KCTD1: variants seen among roughly 807,000 people sequenced by gnomAD.
KCTD1 encodes BTB/POZ domain-containing protein KCTD1.
A neutral mutation model predicts 66.0 loss-of-function variants in KCTD1; 24 were observed. The ratio of observed to expected loss-of-function variants is 0.36; its 90% CI spans 0.26 to 0.51. The LOEUF is 0.51. Among genes scored for constraint, KCTD1 ranks in the 20% least tolerant of loss-of-function variants. The probability of loss-of-function intolerance (pLI) is 0.95; values close to 1 mark genes in which losing one functional copy is unlikely to be tolerated. For synonymous variants in KCTD1, 511 were observed against 517.2 expected (o/e 0.99, Z 0.16); for missense variants, 943 against 1,205.2 (o/e 0.78, Z 3.22).
At chr18:26,526,474 A>C (rs1272679148) in intron 1 of KCTD1, among the ~76,000 whole-genome samples, 1 of 152,210 alleles carries the variant, frequency 6.6e-6, no homozygotes, top group East Asian at 1.9e-4. Flanking sequence ...ATAGTCCTAC[A>C]TGTGTTTGAA....
At chr18:26,501,355 G>T in intron 1 of KCTD1, 105 bp from the exon 2 acceptor site, 2 of 1,015,640 alleles carry the variant, frequency 2.0e-6, no homozygotes, top group Non-Finnish European at 2.8e-6. Flanking sequence ...TACTCATTCA[G>T]TAATAAAACC....
At chr18:26,600,496 G>C (rs1008026577) in intron 1 of KCTD1, among the ~76,000 whole-genome samples, 12 of 151,982 alleles carry the variant, frequency 7.9e-5, no homozygotes, top group African/African-American at 2.9e-4. Flanking sequence ...TGGCTGGGGG[G>C]GGTGCAGTGG....
Position 26,474,683 on chromosome 18 carries a change from T to C in KCTD1, c.2133+1832A>G, listed in dbSNP as rs557882395. Among the ~76,000 whole-genome samples the C allele has an allele frequency of 1.2e-4, 19 of 152,346 alleles. 1 individual carries two copies. Among genetic ancestry groups the C allele is most frequent in the African/African-American group, 4.6e-4 (19 of 41,592 alleles). On this transcript the variant is annotated intron_variant, in intron 3 of 4. Transcript: ENST00000580059. The stretch of plus-strand genomic sequence containing the variant: ...TCATAGATTTTTAAGATAGATCTTT[T>C]ATGATGGGTATTCATCTTTTGTTGC...
At chr18:26,635,398 G>A (rs1245500371) in intron 1 of KCTD1, among the ~76,000 whole-genome samples, 1 of 152,256 alleles carries the variant, frequency 6.6e-6, no homozygotes, top group African/African-American at 2.4e-5. Context: ...TACTGGAGTT[G>A]CTCATGAATG....
At chr18:26,551,546 A>G (rs563349764), upstream of KCTD1, among the ~76,000 whole-genome samples, 1 of 152,324 alleles carries the variant, frequency 6.6e-6, no homozygotes, top group African/African-American at 2.4e-5. Context: ...AGGATACTTC[A>G]TTAAATACTG....
intron 1 of KCTD1, among the ~76,000 whole-genome samples, chr18:26,608,176 A>T (rs1202976109): frequency 1.3e-5 from 2 of 152,252 alleles, no homozygotes; most frequent in African/African-American, 2.4e-5. Context: ...TTTAAATTTT[A>T]AATTTTTAAT....
chr18:26,509,879 G>C (rs138525020), intron 1 of KCTD1, among the ~76,000 whole-genome samples: 2 of 152,166 alleles, frequency 1.3e-5, no homozygotes, highest in Non-Finnish European at 2.9e-5. Context: ...TTACCAAACC[G>C]ATCTAACCCC....
chr18:26,589,920 T>G (rs192005373), intron 1 of KCTD1, among the ~76,000 whole-genome samples: 1 of 152,218 alleles, frequency 6.6e-6, no homozygotes, highest in East Asian at 1.9e-4. Context: ...CATAACTACA[T>G]GTGATACCCA....
At chr18:26,640,064 G>A (rs1598980203) in intron 1 of KCTD1, among the ~76,000 whole-genome samples, 1 of 152,238 alleles carries the variant, frequency 6.6e-6, no homozygotes, top group African/African-American at 2.4e-5. Context: ...AAGCGTGGTG[G>A]CCACGGCAAT....
chr18:26,592,772 C>A (rs1286488076), intron 1 of KCTD1, among the ~76,000 whole-genome samples: 1 of 152,168 alleles, frequency 6.6e-6, no homozygotes, highest in Non-Finnish European at 1.5e-5. Flanking sequence ...TTTCTTATGT[C>A]CCTGGAAGCA....
chr18:26,523,567 C>T (rs930456108), intron 1 of KCTD1, among the ~76,000 whole-genome samples: 2 of 152,214 alleles, frequency 1.3e-5, no homozygotes, highest in African/African-American at 4.8e-5. Context: ...AGAAGGATCA[C>T]TTGAGCCCAG....
At chr18:26,538,612 A>G (rs1021773118) in intron 1 of KCTD1, among the ~76,000 whole-genome samples, 3 of 152,198 alleles carry the variant, frequency 2.0e-5, no homozygotes, top group African/African-American at 7.2e-5. Flanking sequence ...ACTTTATGAT[A>G]AAGATCTGCA....
intron 1 of KCTD1, among the ~76,000 whole-genome samples, chr18:26,648,206 A>G (rs943324768): frequency 6.6e-6 from 1 of 152,184 alleles, no homozygotes; most frequent in Non-Finnish European, 1.5e-5. Context: ...TTAGGAGGAG[A>G]AAGCAGCGCT....
At chr18:26,457,422 C>T (rs1368579722) in intron 4 of KCTD1, 1 of 152,132 alleles carries the variant, frequency 6.6e-6, no homozygotes, top group Non-Finnish European at 1.5e-5. Flanking sequence ...CAAACCAGCA[C>T]CCTGGAAAAG....
intron 1 of KCTD1, among the ~76,000 whole-genome samples, chr18:26,572,341 G>A (rs1161966283): frequency 6.6e-6 from 1 of 152,210 alleles, no homozygotes; most frequent in Non-Finnish European, 1.5e-5. Context: ...TCAGGTGTGA[G>A]TCACTGCTGG....
Position 26,573,546 on chromosome 18 carries a change from C to T in KCTD1, c.-16+55601G>A, listed in dbSNP as rs1054125773. 3.3e-5 allele frequency among the ~76,000 whole-genome samples: 5 copies of T among 152,120 alleles called. No individual in the cohort carries two copies. The South Asian group carries it at 6.2e-4, about 19-fold the overall frequency. ...GTTTGGGCACAACTATGCCGGAAGA[C>T]GTGATAAGGTGGTGAGAAGCTGGTT... On this transcript the variant is annotated intron_variant, in intron 1 of 4. Transcript: ENST00000317932.
Position 26,546,988 on chromosome 18 carries a change from G to A in KCTD1, c.1549C>T (p.Pro517Ser), listed in dbSNP as rs1339143849. The change falls in exon 1 of 5, where the codon CCC becomes TCC. Residue 517 changes from proline (P) to serine (S), a missense_variant. By Grantham distance (74) the Pro-to-Ser change is moderately conservative. This residue lies in a region of KCTD1 where 197 missense variants were observed against 182.7 expected (regional missense o/e 1.08). Transcript: ENST00000580059. ...PPSLGNTYIL[P>S]KDSQVGPDVK... ...TCGGGCCCGACCTGGCTGTCTTTGGGGAGGATGTAAGTGTTCCCCAGCGAG... is the reference window on the plus strand; with the variant it reads ...TCGGGCCCGACCTGGCTGTCTTTGGAGAGGATGTAAGTGTTCCCCAGCGAG... The A allele has an allele frequency of 6.7e-7, 1 of 1,482,048 alleles. No individual in the cohort carries two copies. The highest frequency in any genetic ancestry group is 9.0e-7 in the Non-Finnish European group (1 of 1,111,610). 91.8% of individuals were successfully genotyped at this position (1,482,048 alleles called of 1,614,324 possible).
intron 2 of KCTD1, among the ~76,000 whole-genome samples, chr18:26,487,702 CA>C (rs1339856189): frequency 6.6e-6 from 1 of 152,150 alleles, no homozygotes; most frequent in Non-Finnish European, 1.5e-5. Flanking sequence ...GTGTCTTGTG[CA>C]ATTGTCTACG....
chr18:26,502,178 T>C (rs1188703292), intron 1 of KCTD1, among the ~76,000 whole-genome samples: 1 of 152,190 alleles, frequency 6.6e-6, no homozygotes. Flanking sequence ...GCCTCCTGAG[T>C]AGCTGGGACT....
Sources: allele counts gnomAD v4.1 joint callset (sites outside exome capture counted in the v4.1 genomes callset), GRCh38; gene constraint gnomAD v4.1.1; regional missense constraint gnomAD v4.1.1; transcripts MANE v1.5; gene names NCBI Gene and HGNC (gene_info 2026-07-23, HGNC 2026-07-21).